PSD3: variants seen among roughly 807,000 people sequenced by gnomAD.
PSD3 encodes PH and SEC7 domain-containing protein 3.
A neutral mutation model predicts 105.5 loss-of-function variants in PSD3; 49 were observed. The ratio of observed to expected loss-of-function variants is 0.46; its 90% CI spans 0.37 to 0.59. PSD3 has a LOEUF of 0.59. Among genes scored for constraint, PSD3 ranks in the 20% least tolerant of loss-of-function variants. The pLI, the probability that PSD3 is intolerant of heterozygous loss-of-function variation, is 0.00. For synonymous variants in PSD3, 557 were observed against 457.8 expected (o/e 1.22, Z -2.77); for missense variants, 1,561 against 1,263.8 (o/e 1.24, Z -3.57).
intron 12 of PSD3, among the ~76,000 whole-genome samples, chr8:18,595,725 T>C (rs983580858): frequency 6.6e-6 from 1 of 152,096 alleles, no homozygotes; most frequent in African/African-American, 2.4e-5. Context: ...TAACCATTAT[T>C]AGTACATATG....
chr8:19,072,629 C>A (rs144954433), intron 1 of PSD3, among the ~76,000 whole-genome samples: 2 of 152,292 alleles, frequency 1.3e-5, no homozygotes, highest in African/African-American at 4.8e-5. Flanking sequence ...GGGCTCCCAG[C>A]TGCTCAAATG....
At chr8:19,065,968 T>G (rs1049712067) in intron 1 of PSD3, among the ~76,000 whole-genome samples, 2 of 151,436 alleles carry the variant, frequency 1.3e-5, no homozygotes, top group African/African-American at 4.9e-5. Context: ...AAAGACCACT[T>G]TGGAAATTCT....
At chr8:18,826,879 T>G (rs1470845961) in intron 4 of PSD3, among the ~76,000 whole-genome samples, 2 of 152,202 alleles carry the variant, frequency 1.3e-5, no homozygotes, top group East Asian at 3.8e-4. Context: ...ATATAATTAG[T>G]ACCAGCTCAT....
chr8:18,863,521 G>A (rs1816608204), intron 4 of PSD3, among the ~76,000 whole-genome samples: 1 of 152,072 alleles, frequency 6.6e-6, no homozygotes, highest in Admixed American at 6.5e-5. Context: ...CTGACATGTG[G>A]CTCACTCATC....
chr8:19,000,378 C>T (rs545140257), intron 1 of PSD3, among the ~76,000 whole-genome samples: 2 of 132,034 alleles, frequency 1.5e-5, no homozygotes, highest in East Asian at 4.5e-4. Context: ...GCCTTGCTGA[C>T]AGAGCAAGGC....
intron 8 of PSD3, chr8:18,774,609 G>A: frequency 2.6e-6 from 1 of 377,420 alleles, no homozygotes; most frequent in Non-Finnish European, 5.1e-6. Flanking sequence ...CTGCTTCTTG[G>A]TCTTCAGGTT....
At chr8:18,822,586 T>A (rs1812833404) in intron 4 of PSD3, among the ~76,000 whole-genome samples, 1 of 152,126 alleles carries the variant, frequency 6.6e-6, no homozygotes. Context: ...TACGCCAATA[T>A]CTCCCTAGCG....
At chr8:18,583,381 A>C (rs535727460) in intron 12 of PSD3, among the ~76,000 whole-genome samples, 1 of 152,250 alleles carries the variant, frequency 6.6e-6, no homozygotes, top group Non-Finnish European at 1.5e-5. Flanking sequence ...CAGTGAGCTG[A>C]GACACCGCCA....
At chr8:18,732,618 T>C (rs1382864222) in intron 9 of PSD3, among the ~76,000 whole-genome samples, 5 of 152,212 alleles carry the variant, frequency 3.3e-5, no homozygotes, top group Non-Finnish European at 5.9e-5. Context: ...GCAGGATATC[T>C]TGAGCTTCCT....
chr8:18,559,949 G>A (rs1418213065), intron 14 of PSD3, among the ~76,000 whole-genome samples: 1 of 152,100 alleles, frequency 6.6e-6, no homozygotes, highest in Non-Finnish European at 1.5e-5. Context: ...GGAACTAACC[G>A]AGGAAGTGCT....
At chr8:18,709,684 C>T (rs899409200) in intron 9 of PSD3, among the ~76,000 whole-genome samples, 2 of 152,172 alleles carry the variant, frequency 1.3e-5, no homozygotes, top group African/African-American at 2.4e-5. Context: ...CCTGGTGATA[C>T]CTCCAGGTAT....
rs186816867 is a variant in PSD3, at chr8:18,854,743, T to C, written c.1634+12931A>G. 1.4e-4 allele frequency among the ~76,000 whole-genome samples: 21 copies of C among 152,266 alleles called. No homozygotes were observed. In the East Asian group the frequency reaches 3.3e-3, roughly 24 times the overall value. On this transcript the variant is annotated intron_variant, in intron 4 of 15. Transcript: ENST00000327040. ...CTGTTAAATTCACACTTGACTGAAA[T>C]AGACAACAAAATAGATTTAAGTCAT...
chr8:18,620,360 T>TC (rs61378946), intron 11 of PSD3, among the ~76,000 whole-genome samples: 45 of 149,982 alleles, frequency 3.0e-4, no homozygotes, highest in Admixed American at 2.1e-3. Flanking sequence ...TTTTTTTTTT[T>TC]CCCCAGGCTG....
At chr8:18,695,050 A>G (rs1801185485) in intron 9 of PSD3, among the ~76,000 whole-genome samples, 1 of 152,210 alleles carries the variant, frequency 6.6e-6, no homozygotes, top group Non-Finnish European at 1.5e-5. Flanking sequence ...TGCAATTCCC[A>G]AATTCTCTAG....
At chr8:18,711,414 A>G (rs34552695) in intron 9 of PSD3, among the ~76,000 whole-genome samples, 3 of 152,218 alleles carry the variant, frequency 2.0e-5, no homozygotes, top group Admixed American at 6.5e-5. Context: ...CAAAGACACA[A>G]TAGGCTCAAA....
chr8:19,080,824 T>C (rs766597955), intron 1 of PSD3, among the ~76,000 whole-genome samples: 1 of 152,142 alleles, frequency 6.6e-6, no homozygotes, highest in Non-Finnish European at 1.5e-5. Flanking sequence ...ATGAGGGACA[T>C]TAAAAAACTT....
chr8:19,036,215 G>T (rs1827939313), intron 1 of PSD3, among the ~76,000 whole-genome samples: 1 of 152,124 alleles, frequency 6.6e-6, no homozygotes, highest in Admixed American at 6.6e-5. Context: ...ATGGCTCAAG[G>T]AGTTGCTTGT....
chr8:18,761,454 TGTGAG>T (rs1487315379), intron 9 of PSD3, among the ~76,000 whole-genome samples: 12 of 152,316 alleles, frequency 7.9e-5, no homozygotes, highest in African/African-American at 2.9e-4. Context: ...ACTTACTATA[TGTGAG>T]GACTCTAAAA....
At position 18,549,437 on chromosome 8, in the gene PSD3, A is replaced by G. The variant is rs1306057812; in HGVS notation, c.2928+6772T>C. Among the ~76,000 whole-genome samples, 3 of 152,060 alleles carry G rather than the reference A, an allele frequency of 2.0e-5. No individual in the cohort carries two copies. The East Asian group carries it at 5.8e-4, about 29-fold the overall frequency. ...TGGCCAGGCTGGTCTTGAACTCCCG[A>G]CCTCAGGTGATCCACTCACCTCGGC... is the stretch of plus-strand genomic sequence containing the variant. On this transcript the variant is annotated intron_variant, in intron 15 of 15. Transcript: ENST00000327040.
Sources: allele counts gnomAD v4.1 joint callset (sites outside exome capture counted in the v4.1 genomes callset), GRCh38; gene constraint gnomAD v4.1.1; transcripts MANE v1.5; gene names NCBI Gene and HGNC (gene_info 2026-07-23, HGNC 2026-07-21).